SRGAP2: variants seen among roughly 807,000 people sequenced by gnomAD.
SRGAP2 encodes SLIT-ROBO Rho GTPase activating protein 2.
In SRGAP2, 15 loss-of-function variants were observed where a neutral mutation model predicts 57.2. The ratio of observed to expected loss-of-function variants is 0.26; its 90% CI spans 0.18 to 0.40. The LOEUF is 0.40. Among genes scored for constraint, SRGAP2 ranks in the 10% least tolerant of loss-of-function variants. The pLI is 1.00. For missense variants in SRGAP2, 520 were observed against 669.6 expected, an observed-to-expected ratio of 0.78 and a Z score of 2.47; for synonymous variants, 249 against 248.0, an observed-to-expected ratio of 1.00 and a Z score of -0.04.
chr1:206,415,876 T>C lies in SRGAP2; in HGVS notation c.1357-13T>C. On this transcript the variant is annotated splice_polypyrimidine_tract_variant and intron_variant, in intron 10 of 22. Coordinates refer to ENST00000573034, the MANE Select transcript of SRGAP2 (RefSeq NM_015326.5). Reference sequence around the variant, plus strand: ...GGAGTCTGATTGCTCTTTTTCCTCCTCCTCTCTTACAGAAAATGAAAGAGT... The same window carrying C: ...GGAGTCTGATTGCTCTTTTTCCTCCCCCTCTCTTACAGAAAATGAAAGAGT... 1 of 776,750 alleles carries C rather than the reference T, an allele frequency of 1.3e-6. No individual in the cohort carries two copies. Among genetic ancestry groups the C allele is most frequent in the Non-Finnish European group, 2.4e-6 (1 of 416,390 alleles). The allele number at this position is 776,750 out of a possible 1,614,324, so 48.1% of individuals were successfully genotyped here. A position where few individuals can be genotyped will look rare whatever the true frequency, so the allele number is the denominator to read the frequency against.
At chr1:206,253,174 G>A (rs1668945039) in intron 2 of SRGAP2, among the ~76,000 whole-genome samples, 1 of 151,720 alleles carries the variant, frequency 6.6e-6, no homozygotes, top group East Asian at 2.0e-4. Context: ...CGAGGAGAAC[G>A]CTGTTCTCGT....
At chr1:206,383,634 AC>A (rs1402081568) in intron 4 of SRGAP2, among the ~76,000 whole-genome samples, 1 of 150,566 alleles carries the variant, frequency 6.6e-6, no homozygotes, top group Non-Finnish European at 1.5e-5. Context: ...TACACATCTT[AC>A]TTTCCTTTGA....
intron 2 of SRGAP2, among the ~76,000 whole-genome samples, chr1:206,253,573 CTTTTT>C (rs71264673): frequency 5.9e-5 from 6 of 101,678 alleles, no homozygotes; most frequent in African/African-American, 1.9e-4. Flanking sequence ...TTCTTTCTTT[CTTTTT>C]TTTTTTTTTT....
intron 13 of SRGAP2, 104 bp downstream of exon 13, chr1:206,421,378 A>G (rs1166807380): frequency 9.2e-6 from 5 of 546,226 alleles, no homozygotes; most frequent in South Asian, 2.5e-5. Context: ...CTCTGACTTC[A>G]TGCCTGCATT....
At chr1:206,266,999 T>C (rs1198289182) in intron 2 of SRGAP2, among the ~76,000 whole-genome samples, 4 of 134,898 alleles carry the variant, frequency 3.0e-5, no homozygotes, top group Admixed American at 2.3e-4. Context: ...GACGGAGTCT[T>C]GCTCTGTCGC....
At chr1:206,378,701 C>T (rs1336781967) in intron 4 of SRGAP2, among the ~76,000 whole-genome samples, 10 of 152,036 alleles carry the variant, frequency 6.6e-5, no homozygotes, top group African/African-American at 2.4e-4. Context: ...GTAAAGGCAC[C>T]AATCAGCACT....
chr1:206,275,922 C>T (rs1262916667), intron 2 of SRGAP2, among the ~76,000 whole-genome samples: 2 of 150,814 alleles, frequency 1.3e-5, no homozygotes, highest in African/African-American at 4.9e-5. Flanking sequence ...GCCCCATTGC[C>T]TTCTAATAGC....
intron 3 of SRGAP2, among the ~76,000 whole-genome samples, chr1:206,339,818 G>A (rs1675048132): frequency 1.3e-5 from 2 of 151,194 alleles, no homozygotes; most frequent in African/African-American, 4.9e-5. Flanking sequence ...TTGAGATGGA[G>A]TCTTGCTCTC....
chr1:206,459,051 G>A, intron 22 of SRGAP2, 104 bp downstream of exon 22: 1 of 631,634 alleles, frequency 1.6e-6, no homozygotes. Flanking sequence ...TGATTATTTT[G>A]TATGTGATAT....
chr1:206,457,328 C>T (rs547997621), intron 21 of SRGAP2, among the ~76,000 whole-genome samples: 2 of 152,250 alleles, frequency 1.3e-5, no homozygotes, highest in East Asian at 3.9e-4. Context: ...AGACGAGGTC[C>T]CTGATCTCAG....
intron 21 of SRGAP2, among the ~76,000 whole-genome samples, chr1:206,456,448 C>T (rs1553378492): frequency 6.6e-6 from 1 of 152,096 alleles, no homozygotes; most frequent in African/African-American, 2.4e-5. Context: ...AATTGTAACC[C>T]TACAATCAAA....
At chr1:206,245,168 C>A (rs1408459759) in intron 2 of SRGAP2, among the ~76,000 whole-genome samples, 1 of 136,240 alleles carries the variant, frequency 7.3e-6, no homozygotes, top group Non-Finnish European at 1.6e-5. Flanking sequence ...AGAGCCAGGC[C>A]CTGGAGACCT....
chr1:206,370,320 T>C (rs1654415024), intron 4 of SRGAP2, among the ~76,000 whole-genome samples: 1 of 152,146 alleles, frequency 6.6e-6, no homozygotes, highest in South Asian at 2.1e-4. Flanking sequence ...GCAACCCAAA[T>C]GTTAATGAAG....
intron 2 of SRGAP2, among the ~76,000 whole-genome samples, chr1:206,220,658 G>A (rs1300918231): frequency 6.6e-6 from 1 of 152,126 alleles, no homozygotes; most frequent in African/African-American, 2.4e-5. Flanking sequence ...TTCATTTGCA[G>A]AACTTGAAAT....
At chr1:206,412,538 G>T (rs1413149492) in intron 10 of SRGAP2, among the ~76,000 whole-genome samples, 1 of 152,206 alleles carries the variant, frequency 6.6e-6, no homozygotes, top group Non-Finnish European at 1.5e-5. Context: ...GAAGGAAAAA[G>T]AACTACCTAA....
chr1:206,446,944 C>T (rs1662807665), intron 18 of SRGAP2, among the ~76,000 whole-genome samples: 1 of 152,164 alleles, frequency 6.6e-6, no homozygotes, highest in South Asian at 2.1e-4. Context: ...CTCTGTTTGA[C>T]AAAGAACAAA....
chr1:206,220,788 GA>G (rs1280969692), intron 2 of SRGAP2, among the ~76,000 whole-genome samples: 3 of 152,138 alleles, frequency 2.0e-5, no homozygotes, highest in Non-Finnish European at 4.4e-5. Flanking sequence ...GGCTATTGAT[GA>G]AACTTTCAAG....
At chr1:206,380,518 TA>T in intron 4 of SRGAP2, among the ~76,000 whole-genome samples, 1 of 138,134 alleles carries the variant, frequency 7.2e-6, no homozygotes, top group East Asian at 2.0e-4. Flanking sequence ...TGCAAACATT[TA>T]AGAGAAAAAC....
At chr1:206,337,305 C>T (rs202113637) in intron 3 of SRGAP2, among the ~76,000 whole-genome samples, 1 of 95,662 alleles carries the variant, frequency 1.0e-5, no homozygotes, top group African/African-American at 5.9e-5. Context: ...CAGAGCCTTA[C>T]GGCTGCTTTG....
Sources: gnomAD v4.1 joint callset for allele counts (sites outside exome capture counted in the v4.1 genomes callset) on GRCh38, gnomAD v4.1.1 for gene constraint, MANE v1.5 for transcripts, NCBI Gene and HGNC (gene_info 2026-07-23, HGNC 2026-07-21) for gene names.